The following NCALD variants were observed in gnomAD, a reference collection of about 807,000 sequenced individuals.
NCALD encodes the protein neurocalcin-delta.
In NCALD, 10 loss-of-function variants were observed where a neutral mutation model predicts 18.6. The ratio of observed to expected loss-of-function variants is 0.54; its 90% CI spans 0.33 to 0.91. The LOEUF (loss-of-function observed/expected upper bound fraction) is 0.91. NCALD is among the 40% of genes least tolerant of loss of function. The pLI is 0.03. For synonymous variants in NCALD, 88 were observed against 87.4 expected (o/e 1.01, Z -0.04); for missense variants, 184 against 247.6 (o/e 0.74, Z 1.72).
intron 1 of NCALD, among the ~76,000 whole-genome samples, chr8:102,104,592 A>C (rs1375938103): frequency 6.6e-6 from 1 of 152,176 alleles, no homozygotes; most frequent in Admixed American, 6.5e-5. Context: ...CCTGTGGTCC[A>C]GTCTGCTTTT....
intron 4 of NCALD, among the ~76,000 whole-genome samples, chr8:101,851,036 T>A (rs1446677462): frequency 6.6e-6 from 1 of 152,198 alleles, no homozygotes. Context: ...TCAAGGCAAC[T>A]GAAAGCCTTA....
At chr8:101,986,728 T>G (rs1820828338) in intron 2 of NCALD, 1 of 152,226 alleles carries the variant, frequency 6.6e-6, no homozygotes, top group African/African-American at 2.4e-5. Context: ...CTTTAATAGC[T>G]TATATACTGA....
intron 3 of NCALD, among the ~76,000 whole-genome samples, chr8:101,903,758 T>G (rs1259748499): frequency 1.3e-5 from 2 of 152,154 alleles, no homozygotes; most frequent in African/African-American, 4.8e-5. Flanking sequence ...GCTAAGAGAT[T>G]GTGGCTGTTT....
At chr8:101,957,322 A>T (rs2131836564) in intron 2 of NCALD, among the ~76,000 whole-genome samples, 1 of 141,236 alleles carries the variant, frequency 7.1e-6, no homozygotes, top group East Asian at 2.0e-4. Flanking sequence ...TTTAGCACAA[A>T]GCCTTAATCT....
At chr8:101,914,937 A>G (rs1002968683) in intron 3 of NCALD, among the ~76,000 whole-genome samples, 5 of 152,340 alleles carry the variant, frequency 3.3e-5, no homozygotes, top group African/African-American at 1.2e-4. Context: ...TTCCAGACCA[A>G]ACCAGTTTCT....
At chr8:101,932,224 C>T (rs1173265757) in intron 2 of NCALD, among the ~76,000 whole-genome samples, 1 of 152,166 alleles carries the variant, frequency 6.6e-6, no homozygotes, top group Admixed American at 6.5e-5. Flanking sequence ...GACTTGCAGT[C>T]CACAGATGCA....
intron 3 of NCALD, among the ~76,000 whole-genome samples, chr8:101,897,513 T>G (rs1400966451): frequency 6.7e-6 from 1 of 149,478 alleles, no homozygotes; most frequent in South Asian, 2.1e-4. Context: ...ACTTAAAGTA[T>G]AATAAAAAAA....
At chr8:101,872,253 C>T (rs1286106424) in intron 4 of NCALD, 7 of 1,410,650 alleles carry the variant, frequency 5.0e-6, no homozygotes, top group Admixed American at 3.4e-5. Context: ...CATAATACTT[C>T]CCTGAAATCT....
intron 2 of NCALD, among the ~76,000 whole-genome samples, chr8:101,970,706 A>C (rs991150111): frequency 6.6e-6 from 1 of 152,014 alleles, no homozygotes; most frequent in Non-Finnish European, 1.5e-5. Flanking sequence ...ACCCCCATAA[A>C]CCCACTAAGT....
chr8:101,888,752 A>G (rs534045297), intron 3 of NCALD, among the ~76,000 whole-genome samples: 71 of 152,294 alleles, frequency 4.7e-4, no homozygotes, highest in Non-Finnish European at 8.2e-4. Flanking sequence ...GCTCTCTGAG[A>G]AAATAGTTCA....
intron 1 of NCALD, among the ~76,000 whole-genome samples, chr8:101,762,591 C>CTT (rs577820477): frequency 1.7e-4 from 24 of 140,510 alleles, no homozygotes; most frequent in Admixed American, 2.1e-4. Flanking sequence ...ACAAAGTCTA[C>CTT]TTTTTTTTTT....
chr8:101,800,890 G>A (rs1434191696), intron 4 of NCALD, among the ~76,000 whole-genome samples: 2 of 72,404 alleles, frequency 2.8e-5, no homozygotes, highest in Non-Finnish European at 5.2e-5. Flanking sequence ...AGAGGGGAGG[G>A]GAGAGGGGAG....
intron 2 of NCALD, among the ~76,000 whole-genome samples, chr8:101,976,598 T>C (rs1412820078): frequency 6.6e-6 from 1 of 152,224 alleles, no homozygotes; most frequent in Non-Finnish European, 1.5e-5. Context: ...TAGATTCTTT[T>C]AGATTTTATT....
chr8:101,856,925 A>T (rs1815342900), intron 4 of NCALD, among the ~76,000 whole-genome samples: 1 of 151,694 alleles, frequency 6.6e-6, no homozygotes, highest in South Asian at 2.1e-4. Flanking sequence ...ATCTACTTTG[A>T]CTCTCTTCCC....
intron 4 of NCALD, among the ~76,000 whole-genome samples, chr8:101,876,619 C>A (rs1028636210): frequency 6.6e-5 from 10 of 152,152 alleles, no homozygotes; most frequent in African/African-American, 2.4e-4. Context: ...GTATCTAAAC[C>A]CACTCTGCCA....
chr8:101,824,016 T>C (rs1248836223), intron 4 of NCALD, among the ~76,000 whole-genome samples: 1 of 152,188 alleles, frequency 6.6e-6, no homozygotes, highest in African/African-American at 2.4e-5. Flanking sequence ...AACGCTACAA[T>C]TATCCTGAAC....
At chr8:101,823,947 A>G (rs78502070) in intron 4 of NCALD, among the ~76,000 whole-genome samples, 2,367 of 152,340 alleles carry the variant, frequency 0.016, 91 homozygotes, top group East Asian at 0.12. Context: ...CTACATGGGG[A>G]CAGTTAGCCC....
At chr8:101,792,923 A>G (rs1812498493), upstream of NCALD, among the ~76,000 whole-genome samples, 1 of 152,054 alleles carries the variant, frequency 6.6e-6, no homozygotes, top group Admixed American at 6.5e-5. Context: ...CCTAAAATTC[A>G]GGACTTTAAA....
rs532387686 is a variant in NCALD, at chr8:101,687,047, A to T, written c.*2262T>A. 9 of 151,856 alleles carry T rather than the reference A, an allele frequency of 5.9e-5. No homozygotes were observed. The highest frequency in any genetic ancestry group is 1.3e-4 in the Non-Finnish European group (9 of 67,984). 9.4% of individuals were successfully genotyped at this position (151,856 alleles called of 1,614,324 possible). Reference sequence around the variant, plus strand: ...CAGGGACTATTTCTATACATTCTGGAAGTGTCGGCATTCATCAGCCTGCAT... The same window carrying T: ...CAGGGACTATTTCTATACATTCTGGTAGTGTCGGCATTCATCAGCCTGCAT... On this transcript the variant is annotated 3_prime_UTR_variant, in exon 4 of 4. Coordinates refer to ENST00000220931, the MANE Select transcript of NCALD (RefSeq NM_032041.3).
Sources: allele counts gnomAD v4.1 joint callset (sites outside exome capture counted in the v4.1 genomes callset), GRCh38; gene constraint gnomAD v4.1.1; transcripts MANE v1.5; gene names NCBI Gene and HGNC (gene_info 2026-07-23, HGNC 2026-07-21).